Variants in PTPRM observed in about 807,000 individuals in gnomAD.
The protein encoded by PTPRM is protein tyrosine phosphatase receptor type M.
PTPRM carries 47 observed loss-of-function variants against 186.7 expected under a neutral mutation model. That is an observed-to-expected ratio of 0.25 (90% CI 0.20 to 0.32). The LOEUF (loss-of-function observed/expected upper bound fraction) is 0.32, where lower values mean the gene tolerates loss of function less well. Ranked by LOEUF, PTPRM falls within the 10% of genes least tolerant of loss-of-function variation. PTPRM has a pLI of 1.00. For missense variants in PTPRM, 1,494 were observed against 1,865.0 expected, an observed-to-expected ratio of 0.80 and a Z score of 3.66; for synonymous variants, 668 against 674.9, an observed-to-expected ratio of 0.99 and a Z score of 0.16.
chr18:7,847,807 A>G (rs1238920029), intron 2 of PTPRM, among the ~76,000 whole-genome samples: 2 of 152,174 alleles, frequency 1.3e-5, no homozygotes, highest in Non-Finnish European at 2.9e-5. Flanking sequence ...CCAAGGGTGG[A>G]GAATTCTCCT....
At chr18:8,181,963 G>C (rs1568478020) in intron 14 of PTPRM, among the ~76,000 whole-genome samples, 1 of 152,090 alleles carries the variant, frequency 6.6e-6, no homozygotes, top group Non-Finnish European at 1.5e-5. Context: ...AGCATTTGTT[G>C]GGGGTCTTTA....
chr18:7,739,697 G>A (rs757445823), intron 1 of PTPRM, among the ~76,000 whole-genome samples: 3 of 151,678 alleles, frequency 2.0e-5, no homozygotes, highest in Non-Finnish European at 4.4e-5. Flanking sequence ...GCTCATTACC[G>A]TCTTATGGGC....
intron 2 of PTPRM, among the ~76,000 whole-genome samples, chr18:7,825,913 T>G (rs2045460258): frequency 6.6e-6 from 1 of 152,210 alleles, no homozygotes; most frequent in Non-Finnish European, 1.5e-5. Context: ...TGCCTGGCAT[T>G]GTTCTAGAAG....
intron 6 of PTPRM, among the ~76,000 whole-genome samples, chr18:7,953,752 T>C (rs139144664): frequency 1.3e-5 from 2 of 152,298 alleles, no homozygotes; most frequent in East Asian, 1.9e-4. Flanking sequence ...GCAAACCTCA[T>C]GTGGTGCTAG....
At chr18:7,936,187 C>T (rs984861919) in intron 5 of PTPRM, among the ~76,000 whole-genome samples, 23 of 152,166 alleles carry the variant, frequency 1.5e-4, no homozygotes, top group African/African-American at 5.1e-4. Context: ...AGCACAGCTG[C>T]GGCTGCCCAG....
chr18:8,292,038 C>T (rs972843685), intron 19 of PTPRM, among the ~76,000 whole-genome samples: 2 of 152,172 alleles, frequency 1.3e-5, no homozygotes, highest in African/African-American at 4.8e-5. Context: ...GTTCCTATCC[C>T]AGTTACTGTA....
intron 20 of PTPRM, among the ~76,000 whole-genome samples, chr18:8,300,746 G>C (rs1215615615): frequency 6.6e-6 from 1 of 152,094 alleles, no homozygotes; most frequent in African/African-American, 2.4e-5. Flanking sequence ...TGCTCTTTTA[G>C]TGTTTCTTTA....
intron 6 of PTPRM, among the ~76,000 whole-genome samples, chr18:7,949,744 A>G (rs1244953021): frequency 6.6e-6 from 1 of 152,178 alleles, no homozygotes; most frequent in Non-Finnish European, 1.5e-5. Flanking sequence ...AAAATGAAGC[A>G]GTGTCAGTAT....
chr18:8,234,971 G>T (rs1303964565), intron 14 of PTPRM, among the ~76,000 whole-genome samples: 1 of 152,002 alleles, frequency 6.6e-6, no homozygotes, highest in South Asian at 2.1e-4. Context: ...TTTATAAATT[G>T]TTGGATTCAA....
intron 1 of PTPRM, among the ~76,000 whole-genome samples, chr18:7,685,120 C>T (rs931134774): frequency 6.6e-6 from 1 of 152,174 alleles, no homozygotes; most frequent in African/African-American, 2.4e-5. Flanking sequence ...TCATCATAGT[C>T]ACGAGTTCTA....
At chr18:8,096,962 A>G (rs1489550732) in intron 11 of PTPRM, among the ~76,000 whole-genome samples, 1 of 152,214 alleles carries the variant, frequency 6.6e-6, no homozygotes, top group African/African-American at 2.4e-5. Context: ...ACCAACTCAG[A>G]AGTCCTGACC....
chr18:8,097,787 T>A (rs1781282934), intron 11 of PTPRM, among the ~76,000 whole-genome samples: 1 of 152,046 alleles, frequency 6.6e-6, no homozygotes, highest in Non-Finnish European at 1.5e-5. Context: ...ATAAGAGAAG[T>A]TAAAGAGACC....
intron 2 of PTPRM, among the ~76,000 whole-genome samples, chr18:7,886,017 T>C (rs1220681127): frequency 6.6e-6 from 1 of 152,202 alleles, no homozygotes; most frequent in Non-Finnish European, 1.5e-5. Flanking sequence ...TGCCCAAGCT[T>C]AAGTGATGGG....
At chr18:8,353,759 C>G (rs1341708033) in intron 23 of PTPRM, among the ~76,000 whole-genome samples, 1 of 151,888 alleles carries the variant, frequency 6.6e-6, no homozygotes, top group Non-Finnish European at 1.5e-5. Flanking sequence ...CCAGGAAGCT[C>G]AAGAGAGAGA....
intron 1 of PTPRM, among the ~76,000 whole-genome samples, chr18:7,711,260 G>A (rs1383219638): frequency 6.6e-6 from 1 of 152,162 alleles, no homozygotes; most frequent in Admixed American, 6.5e-5. Context: ...GCCAAGGGAA[G>A]CCATGAGGGA....
chr18:7,778,740 A>G (rs894677497), intron 2 of PTPRM, among the ~76,000 whole-genome samples: 1 of 152,174 alleles, frequency 6.6e-6, no homozygotes, highest in African/African-American at 2.4e-5. Flanking sequence ...TCAGCCTACC[A>G]AAGTTCTAGG....
chr18:8,235,476 T>TTTTTTTTTTTTTTTTTTTG (rs1481569126), intron 14 of PTPRM, among the ~76,000 whole-genome samples: 10 of 136,782 alleles, frequency 7.3e-5, no homozygotes, highest in East Asian at 4.1e-4. Flanking sequence ...TTTTTTTTTT[T>TTTTTTTTTTTTTTTTTTTG]TTTAGCCTGG....
chr18:8,125,948 T>TGTGGAGAA (rs1290583646), intron 13 of PTPRM, among the ~76,000 whole-genome samples: 1 of 139,940 alleles, frequency 7.1e-6, no homozygotes, highest in Non-Finnish European at 1.5e-5. Context: ...CCTGACATGC[T>TGTGGAGAA]GTGGAGAATG....
chr18:7,928,191 C>G (rs2051285339), intron 5 of PTPRM, among the ~76,000 whole-genome samples: 1 of 152,156 alleles, frequency 6.6e-6, no homozygotes. Context: ...CACCCCTCTG[C>G]CCAGTGTCAC....
Sources: gnomAD v4.1 joint callset for allele counts (sites outside exome capture counted in the v4.1 genomes callset) on GRCh38, gnomAD v4.1.1 for gene constraint, MANE v1.5 for transcripts, NCBI Gene and HGNC (gene_info 2026-07-23, HGNC 2026-07-21) for gene names.